The following POLR2H variants were observed in gnomAD, a reference collection of about 807,000 sequenced individuals.
POLR2H encodes the protein RNA polymerase II, I and III subunit H, also known as DNA-directed RNA polymerases I, II, and III subunit RPABC3.
In POLR2H, 3 loss-of-function variants were observed where a neutral mutation model predicts 18.1. The observed-to-expected ratio is 0.17, with a 90% CI of 0.08 to 0.43. The LOEUF is 0.43. Ranked by LOEUF, POLR2H falls within the 20% of genes least tolerant of loss-of-function variation. The probability of loss-of-function intolerance (pLI) is 0.99; values close to 1 mark genes in which losing one functional copy is unlikely to be tolerated. For synonymous variants in POLR2H, 76 were observed against 69.0 expected, an observed-to-expected ratio of 1.10 and a Z score of -0.50; for missense variants, 103 against 184.6, an observed-to-expected ratio of 0.56 and a Z score of 2.56.
At chr3:184,368,150 ATC>A (rs1713659307) in intron 5 of POLR2H, 25 bp from the exon 6 acceptor site, 7 of 1,613,838 alleles carry the variant, frequency 4.3e-6, no homozygotes, top group Non-Finnish European at 5.9e-6. Context: ...GTGCTCCAGA[ATC>A]ACGGGATGGG....
At chr3:184,367,558 C>G (rs1713536926) in intron 5 of POLR2H, among the ~76,000 whole-genome samples, 1 of 151,132 alleles carries the variant, frequency 6.6e-6, no homozygotes, top group Non-Finnish European at 1.5e-5. Context: ...GCGATCTCGG[C>G]TCACTGCAAG....
At chr3:184,364,862 C>G in intron 2 of POLR2H, 104 bp from the exon 3 acceptor site, 1 of 756,176 alleles carries the variant, frequency 1.3e-6, no homozygotes, top group Non-Finnish European at 2.3e-6. Context: ...TGAGAGACCA[C>G]TGGATGTAGA....
chr3:184,363,233 T>G lies in POLR2H; in HGVS notation c.-260T>G, dbSNP rs1198520676. The G allele has an allele frequency of 3.7e-6, 2 of 544,890 alleles. No individual in the cohort carries two copies. The highest frequency in any genetic ancestry group is 6.7e-6 in the Non-Finnish European group (2 of 300,162). 33.8% of individuals were successfully genotyped at this position (544,890 alleles called of 1,614,324 possible). A position where few individuals can be genotyped will look rare whatever the true frequency, so the allele number is the denominator to read the frequency against. On this transcript the variant is annotated 5_prime_UTR_variant, in exon 2 of 6. Transcript: ENST00000456318. ...CTTCCCCGCCCTGGGCAGAGCCACC[T>G]GGACATGAGACCCGCCCTCAATGCC...
chr3:184,366,959 G>A (rs1477352734), intron 5 of POLR2H, among the ~76,000 whole-genome samples, 159 bp downstream of exon 5: 6 of 152,226 alleles, frequency 3.9e-5, no homozygotes, highest in African/African-American at 1.4e-4. Flanking sequence ...AGTCTGAAAT[G>A]TAGACTGCCC....
intron 2 of POLR2H, among the ~76,000 whole-genome samples, chr3:184,363,851 G>A (rs554936248): frequency 2.0e-4 from 30 of 152,324 alleles, no homozygotes; most frequent in Non-Finnish European, 3.5e-4. Context: ...TGTCTTGTGA[G>A]ACCAGCCTGG....
rs1372137541 is a variant in POLR2H, at chr3:184,363,364, C to T, written c.-129C>T. On this transcript the variant is annotated 5_prime_UTR_variant, in exon 2 of 6. Coordinates refer to ENST00000456318, the MANE Select transcript of POLR2H (RefSeq NM_006232.5). ...CGCTTGTTTGTGCGCATGCGCCACTCTCGTCTGGCCGCCGCGCTTTCAGGA... is the reference window on the plus strand; with the variant it reads ...CGCTTGTTTGTGCGCATGCGCCACTTTCGTCTGGCCGCCGCGCTTTCAGGA... The T allele has an allele frequency of 7.9e-6, 6 of 764,076 alleles. No homozygotes were observed. The highest frequency in any genetic ancestry group is 3.4e-5 in the African/African-American group (2 of 58,604). 47.3% of individuals were successfully genotyped at this position (764,076 alleles called of 1,614,324 possible). A position where few individuals can be genotyped will look rare whatever the true frequency, so the allele number is the denominator to read the frequency against.
chr3:184,368,323 A>G lies in POLR2H; in HGVS notation c.*29A>G, dbSNP rs780947061. 3 of 1,551,164 alleles carry G rather than the reference A, an allele frequency of 1.9e-6. No homozygotes were observed. The highest frequency in any genetic ancestry group is 2.6e-6 in the Non-Finnish European group (3 of 1,144,504). ...TCGCCTGAAGCCAGCCTCTCTGCCAAGTCACTCAGGTCATGGGCATTGTTC... is the reference window on the plus strand; with the variant it reads ...TCGCCTGAAGCCAGCCTCTCTGCCAGGTCACTCAGGTCATGGGCATTGTTC... On this transcript the variant is annotated 3_prime_UTR_variant, in exon 6 of 6. Transcript: ENST00000456318.
rs1013908164 is a variant in POLR2H, at chr3:184,363,433, A to C, written c.-60A>C. The C allele has an allele frequency of 2.2e-6, 3 of 1,372,242 alleles. No homozygotes were observed. In the Admixed American group the frequency reaches 5.1e-5, roughly 24 times the overall value. The allele number at this position is 1,372,242 out of a possible 1,614,324, so 85.0% of individuals were successfully genotyped here. ...CGGTCTTGTCCACGCTAGGGGGTGCACGTACTCCCAACTGTGGTCGCGCTC... is the reference window on the plus strand; with the variant it reads ...CGGTCTTGTCCACGCTAGGGGGTGCCCGTACTCCCAACTGTGGTCGCGCTC... On this transcript the variant is annotated 5_prime_UTR_variant, in exon 2 of 6. Transcript: ENST00000456318.
At position 184,368,196 on chromosome 3, in the gene POLR2H, G is replaced by C. The variant is rs1204222341; in HGVS notation, c.355G>C (p.Gly119Arg). Residue 119 changes from glycine to arginine, a missense_variant, in exon 6 of 6, where the codon GGG becomes CGG. Coordinates refer to ENST00000456318, the MANE Select transcript of POLR2H (RefSeq NM_006232.5). ...TTTCAGCTCTGCGTACGTGTCCTAT[G>C]GGGGCCTGCTCATGAGGCTGCAGGG... ...ATRLSAYVSY[G>R]GLLMRLQGDA... 1 of 1,614,046 alleles carries C rather than the reference G, an allele frequency of 6.2e-7. No individual in the cohort carries two copies. Among genetic ancestry groups the C allele is most frequent in the South Asian group, 1.1e-5 (1 of 91,084 alleles).
At chr3:184,363,839 A>C (rs1173016085) in intron 2 of POLR2H, among the ~76,000 whole-genome samples, 1 of 152,178 alleles carries the variant, frequency 6.6e-6, no homozygotes, top group Non-Finnish European at 1.5e-5. Context: ...TGTGCTAGAC[A>C]CTGTCTTGTG....
rs1712480346 is a variant in POLR2H, at chr3:184,362,959, C to T, written c.-534C>T. On this transcript the variant is annotated 5_prime_UTR_variant, in exon 2 of 6. Transcript: ENST00000456318. The surrounding 1 kb of genome is among the most constrained non-coding windows in gnomAD (Gnocchi z 5.9). Reference sequence around the variant, plus strand: ...AGCCGGCCCAGGCCGGCCCCGGGGTCCTCGGTGCCGGCTGGAGGGGCTGGG... The same window carrying T: ...AGCCGGCCCAGGCCGGCCCCGGGGTTCTCGGTGCCGGCTGGAGGGGCTGGG... The T allele has an allele frequency of 5.9e-6, 1 of 168,598 alleles. No homozygotes were observed. Among genetic ancestry groups the T allele is most frequent in the South Asian group, 1.3e-4 (1 of 7,658 alleles). The allele number at this position is 168,598 out of a possible 1,614,324, so 10.4% of individuals were successfully genotyped here.
Position 184,363,504 on chromosome 3 carries a change from C to T in POLR2H, c.12C>T (p.Ile4=). Residue 4 remains isoleucine (I), a synonymous_variant, in exon 2 of 6, where the codon ATC becomes ATT. Transcript: ENST00000456318. ...GTGGCCCCCTCGCGATGGCGGGCAT[C>T]CTGTTTGAGGATATTTTCGATGTGA... The part of the protein sequence containing the change: MAG[I]LFEDIFDVKD... 1.9e-6 allele frequency: 3 copies of T among 1,614,078 alleles called. No individual in the cohort carries two copies. The highest frequency in any genetic ancestry group is 1.7e-5 in the Admixed American group (1 of 60,014).
Position 184,361,972 on chromosome 3 carries a change from C to T in POLR2H, c.-795C>T, listed in dbSNP as rs1341542411. On this transcript the variant is annotated 5_prime_UTR_variant, in exon 1 of 6. Coordinates refer to ENST00000456318, the MANE Select transcript of POLR2H (RefSeq NM_006232.5). This position sits in a 1 kb window ranked among gnomAD's most constrained non-coding sequence, Gnocchi z 6.6. ...GCTGCGGAGCTGTCTACATCGGACT[C>T]CTCCGGGTCAGCCCGTTAGGAGCCG... 6.5e-6 allele frequency: 1 copy of T among 152,820 alleles called. No individual in the cohort carries two copies. The highest frequency in any genetic ancestry group is 1.5e-5 in the Non-Finnish European group (1 of 68,578). 9.5% of individuals were successfully genotyped at this position (152,820 alleles called of 1,614,324 possible).
rs1713693465 is a variant in POLR2H, at chr3:184,368,311, G to A, written c.*17G>A. On this transcript the variant is annotated 3_prime_UTR_variant, in exon 6 of 6. Transcript: ENST00000456318. ...GCCTTCTGAACCTCGCCTGAAGCCA[G>A]CCTCTCTGCCAAGTCACTCAGGTCA... 6.4e-7 allele frequency: 1 copy of A among 1,561,508 alleles called. No individual in the cohort carries two copies. Among genetic ancestry groups the A allele is most frequent in the Non-Finnish European group, 8.7e-7 (1 of 1,151,422 alleles).
chr3:184,363,602 G>T (rs1228589833), intron 2 of POLR2H, 37 bp downstream of exon 2: 1 of 1,555,806 alleles, frequency 6.4e-7, no homozygotes, highest in Non-Finnish European at 8.9e-7. Context: ...GGAGGAAGAG[G>T]CTAACCTCGC....
chr3:184,366,819 T>A lies in POLR2H; in HGVS notation c.335+19T>A. The A allele has an allele frequency of 7.1e-7, 1 of 1,403,530 alleles. No homozygotes were observed. Among genetic ancestry groups the A allele is most frequent in the South Asian group, 1.2e-5 (1 of 86,722 alleles). 86.9% of individuals were successfully genotyped at this position (1,403,530 alleles called of 1,614,324 possible). On this transcript the variant is annotated intron_variant, in intron 5 of 5. Transcript: ENST00000456318. ...CACGCCTGTAAGTTACGTAATCTTG[T>A]GAGGATTCTTTTCCTCTTCCATGTT...
intron 4 of POLR2H, among the ~76,000 whole-genome samples, chr3:184,365,975 CAA>C (rs563119852): frequency 2.1e-4 from 13 of 61,950 alleles, no homozygotes; most frequent in African/African-American, 3.4e-4. Context: ...GACTCCGTCT[CAA>C]AAAAAAAAAA....
At chr3:184,367,346 T>C (rs528326196) in intron 5 of POLR2H, among the ~76,000 whole-genome samples, 70 of 152,334 alleles carry the variant, frequency 4.6e-4, no homozygotes, top group African/African-American at 1.6e-3. Flanking sequence ...GAGAACCTTT[T>C]ACATAGACTT....
chr3:184,363,422 C>T lies in POLR2H; in HGVS notation c.-71C>T, dbSNP rs950191745. 3.9e-6 allele frequency: 5 copies of T among 1,288,802 alleles called. No homozygotes were observed. Among genetic ancestry groups the T allele is most frequent in the African/African-American group, 1.5e-5 (1 of 68,798 alleles). 79.8% of individuals were successfully genotyped at this position (1,288,802 alleles called of 1,614,324 possible). On this transcript the variant is annotated 5_prime_UTR_variant, in exon 2 of 6. Coordinates refer to ENST00000456318, the MANE Select transcript of POLR2H (RefSeq NM_006232.5). ...TTGGTTCTCTCCGGTCTTGTCCACG[C>T]TAGGGGGTGCACGTACTCCCAACTG...
Sources: allele counts gnomAD v4.1 joint callset (sites outside exome capture counted in the v4.1 genomes callset), GRCh38; gene constraint gnomAD v4.1.1; non-coding constraint Gnocchi (gnomAD v3.1); transcripts MANE v1.5; gene names NCBI Gene and HGNC (gene_info 2026-07-23, HGNC 2026-07-21).